C12orf42: variants seen among roughly 807,000 people sequenced by gnomAD.
C12orf42 encodes uncharacterized protein C12orf42.
A neutral mutation model predicts 21.6 loss-of-function variants in C12orf42; 25 were observed. The observed-to-expected ratio is 1.16, with a 90% CI of 0.84 to 1.62. The LOEUF (loss-of-function observed/expected upper bound fraction) is 1.62. C12orf42 is among the 40% of genes most tolerant of loss of function. The probability of loss-of-function intolerance (pLI) is 0.00; values close to 1 mark genes in which losing one functional copy is unlikely to be tolerated. For missense variants in C12orf42, 483 were observed against 459.3 expected, an observed-to-expected ratio of 1.05 and a Z score of -0.47; for synonymous variants, 174 against 175.0, an observed-to-expected ratio of 0.99 and a Z score of 0.05.
intron 2 of C12orf42, among the ~76,000 whole-genome samples, chr12:103,464,499 C>A (rs1952968322): frequency 6.7e-6 from 1 of 149,952 alleles, no homozygotes; most frequent in Admixed American, 6.7e-5. Context: ...CAAAAATTTT[C>A]TCCTATTCTG....
chr12:103,213,760 G>A, the C12orf42 span, among the ~76,000 whole-genome samples: 1 of 152,188 alleles, frequency 6.6e-6, no homozygotes, highest in Non-Finnish European at 1.5e-5. Flanking sequence ...GTTTCCGATT[G>A]CTGCAGTTCT....
At chr12:103,114,871 T>A in the C12orf42 span, among the ~76,000 whole-genome samples, 1 of 152,300 alleles carries the variant, frequency 6.6e-6, no homozygotes, top group East Asian at 1.9e-4. Flanking sequence ...GATAGAGGAT[T>A]CATGGAAATG....
the C12orf42 span, among the ~76,000 whole-genome samples, chr12:103,217,198 T>A: frequency 6.6e-6 from 1 of 152,056 alleles, no homozygotes; most frequent in South Asian, 2.1e-4. Flanking sequence ...CAGAACACAT[T>A]GAAGTGCTGA....
the C12orf42 span, among the ~76,000 whole-genome samples, chr12:103,100,817 T>C: frequency 6.6e-6 from 1 of 152,132 alleles, no homozygotes; most frequent in African/African-American, 2.4e-5. Flanking sequence ...GGATTTTAGA[T>C]AGGGTAAAAT....
At chr12:103,068,835 G>T in the C12orf42 span, among the ~76,000 whole-genome samples, 1 of 148,002 alleles carries the variant, frequency 6.8e-6, no homozygotes. Context: ...ATGGGACCTT[G>T]TGATCATGGG....
intron 3 of C12orf42, among the ~76,000 whole-genome samples, chr12:103,394,212 T>C (rs999035425): frequency 6.6e-6 from 1 of 152,136 alleles, no homozygotes; most frequent in African/African-American, 2.4e-5. Context: ...AGAGAGGAGA[T>C]TGAGAATGAG....
At chr12:103,505,025 G>A in the C12orf42 span, 2 of 245,926 alleles carry the variant, frequency 8.1e-6, no homozygotes, top group African/African-American at 4.6e-5. Context: ...CTGAGCTTAG[G>A]AAGGAAGCTA....
At chr12:103,091,232 T>G in the C12orf42 span, among the ~76,000 whole-genome samples, 93 of 152,202 alleles carry the variant, frequency 6.1e-4, no homozygotes, top group African/African-American at 2.2e-3. Context: ...TATTAGAGCT[T>G]TATTAAAATG....
the C12orf42 span, among the ~76,000 whole-genome samples, chr12:103,192,893 C>T: frequency 6.6e-6 from 1 of 152,026 alleles, no homozygotes; most frequent in African/African-American, 2.4e-5. Context: ...AGCAAATGAA[C>T]CTAACAATTA....
At chr12:103,352,600 G>A (rs76252335) in intron 4 of C12orf42, among the ~76,000 whole-genome samples, 7,200 of 152,082 alleles carry the variant, frequency 0.047, 235 homozygotes, top group Non-Finnish European at 0.072. Context: ...TAAAGTCCCC[G>A]TGCACTAAGA....
At chr12:103,543,886 T>G in the C12orf42 span, among the ~76,000 whole-genome samples, 18 of 112,760 alleles carry the variant, frequency 1.6e-4, no homozygotes, top group East Asian at 7.7e-4. Flanking sequence ...TTGGGTTTTT[T>G]TTTTGTTTTG....
intron 4 of C12orf42, among the ~76,000 whole-genome samples, chr12:103,364,247 T>C (rs9669410): frequency 0.031 from 4,734 of 152,154 alleles, 212 homozygotes; most frequent in African/African-American, 0.11. Context: ...TGAATGACCA[T>C]TGGGTCAACA....
At chr12:103,367,773 C>G (rs770383030) in intron 4 of C12orf42, among the ~76,000 whole-genome samples, 1 of 151,830 alleles carries the variant, frequency 6.6e-6, no homozygotes. Context: ...ATTATCCCCC[C>G]CCAAAAAAAT....
At chr12:103,069,043 A>G in the C12orf42 span, among the ~76,000 whole-genome samples, 2 of 139,198 alleles carry the variant, frequency 1.4e-5, no homozygotes, top group African/African-American at 5.3e-5. Context: ...ATGCTGATTT[A>G]TGTATTTTTA....
downstream of C12orf42, among the ~76,000 whole-genome samples, chr12:103,235,944 T>G (rs897087654): frequency 6.6e-6 from 1 of 152,184 alleles, no homozygotes; most frequent in Admixed American, 6.5e-5. Flanking sequence ...GTTGGCAAAA[T>G]AGCTCAGAAA....
intron 4 of C12orf42, among the ~76,000 whole-genome samples, chr12:103,313,457 A>G (rs1566060970): frequency 6.6e-6 from 1 of 152,190 alleles, no homozygotes; most frequent in Non-Finnish European, 1.5e-5. Context: ...CAAGAGCACA[A>G]GCACTGGATC....
At chr12:103,326,284 C>T (rs1307507730) in intron 4 of C12orf42, among the ~76,000 whole-genome samples, 1 of 152,128 alleles carries the variant, frequency 6.6e-6, no homozygotes, top group Non-Finnish European at 1.5e-5. Flanking sequence ...ACAAGATAGG[C>T]TTGTCAAAGA....
chr12:103,318,842 A>G (rs2039796994), intron 4 of C12orf42, among the ~76,000 whole-genome samples: 1 of 129,452 alleles, frequency 7.7e-6, no homozygotes, highest in African/African-American at 3.4e-5. Context: ...ACACAATTCA[A>G]CTGGCCATGC....
intron 1 of C12orf42, among the ~76,000 whole-genome samples, chr12:103,480,116 T>C (rs897805993): frequency 3.3e-5 from 5 of 151,966 alleles, no homozygotes; most frequent in African/African-American, 1.2e-4. Context: ...ATTTATTTAA[T>C]GATTATAGGG....
Sources: gnomAD v4.1 joint callset for allele counts (sites outside exome capture counted in the v4.1 genomes callset) on GRCh38, gnomAD v4.1.1 for gene constraint, MANE v1.5 for transcripts, NCBI Gene and HGNC (gene_info 2026-07-23, HGNC 2026-07-21) for gene names.